The following FAT2 variants were observed in gnomAD, a reference collection of about 807,000 sequenced individuals.
FAT2 encodes the protein protocadherin Fat 2.
A neutral mutation model predicts 295.3 loss-of-function variants in FAT2; 150 were observed. That is an observed-to-expected ratio of 0.51 (90% CI 0.44 to 0.58). The LOEUF (loss-of-function observed/expected upper bound fraction) is 0.58. Among genes scored for constraint, FAT2 ranks in the 20% least tolerant of loss-of-function variants. The pLI is 0.00. For missense variants in FAT2, 4,868 were observed against 5,442.7 expected (o/e 0.89, Z 3.32); for synonymous variants, 2,026 against 2,150.3 (o/e 0.94, Z 1.60).
At chr5:151,552,254 G>A (rs1231604085) in intron 6 of FAT2, among the ~76,000 whole-genome samples, 1 of 152,192 alleles carries the variant, frequency 6.6e-6, no homozygotes, top group African/African-American at 2.4e-5. Context: ...TCAAGCAGCT[G>A]GGATTACAGG....
intron 3 of FAT2, among the ~76,000 whole-genome samples, chr5:151,562,577 G>A (rs112748918): frequency 0.035 from 5,355 of 152,210 alleles, 201 homozygotes; most frequent in African/African-American, 0.098. Flanking sequence ...TGTTGGCTCC[G>A]GGCCACTGTG....
chr5:151,505,844 AG>A lies in FAT2; in HGVS notation c.12770del (p.Pro4257LeufsTer139), dbSNP rs2127562554. The stretch of plus-strand genomic sequence containing the variant: ...GGGCAACCAGGCGCTCCCGGGGACT[AG>A]GGGGCCGAGAGGGCATCAGATCTTC... ...NLEDLMPSRP[P>X]SPRERLVAPC... On this transcript the variant is annotated frameshift_variant, in exon 24 of 24. Transcript: ENST00000261800. LOFTEE classifies it high-confidence loss of function. The A allele has an allele frequency of 6.2e-7, 1 of 1,612,498 alleles. No homozygotes were observed. Among genetic ancestry groups the A allele is most frequent in the Non-Finnish European group, 8.5e-7 (1 of 1,179,484 alleles).
rs1427466159 is a variant in FAT2 at position 151,507,228 on chromosome 5, A to C, written c.12443T>G (p.Leu4148Arg). The C allele has an allele frequency of 3.1e-6, 5 of 1,613,506 alleles. No individual in the cohort carries two copies. Among genetic ancestry groups the C allele is most frequent in the Non-Finnish European group, 4.2e-6 (5 of 1,179,648 alleles). The change falls in exon 23 of 24, where the codon CTC (leucine) becomes CGC (arginine). Residue 4148 changes from leucine (L) to arginine (R), a missense_variant. Physicochemically the swap from Leu to Arg is moderately radical, Grantham distance 102 (BLOSUM62 -2). Coordinates refer to ENST00000261800, the MANE Select transcript of FAT2 (RefSeq NM_001447.3). ...GTGGGAAGGGACCGCAGCTGGCGGG[A>C]GTCTGGGGGGCACACTGCAGACCAC... ...RPVVCSVPPR[L>R]PPAAVPSHSD...
intron 2 of FAT2, 67 bp from the exon 3 acceptor site, chr5:151,563,706 ACC>A: frequency 7.2e-7 from 1 of 1,380,608 alleles, no homozygotes; most frequent in South Asian, 1.2e-5. Context: ...AATCACCCTT[ACC>A]CACCATTCCC....
intron 22 of FAT2, among the ~76,000 whole-genome samples, chr5:151,508,001 A>C (rs1157906122): frequency 1.3e-5 from 2 of 152,194 alleles, no homozygotes; most frequent in African/African-American, 4.8e-5. Flanking sequence ...GCAGCCAGGC[A>C]CCAATGTTCC....
chr5:151,562,309 T>C (rs1442861715), intron 3 of FAT2, among the ~76,000 whole-genome samples: 2 of 152,182 alleles, frequency 1.3e-5, no homozygotes, highest in African/African-American at 4.8e-5. Flanking sequence ...AGTAAATTGT[T>C]GGAGACGGAA....
chr5:151,537,325 A>G (rs3893430), intron 12 of FAT2, among the ~76,000 whole-genome samples: 604 of 33,726 alleles, frequency 0.018, 6 homozygotes, highest in Admixed American at 0.023. Flanking sequence ...GAAAGAGAAA[A>G]AAAGAAAGAA....
chr5:151,518,227 C>G (rs1206271948), intron 19 of FAT2, among the ~76,000 whole-genome samples: 1 of 151,848 alleles, frequency 6.6e-6, no homozygotes, highest in East Asian at 1.9e-4. Context: ...ACTCCAGTTA[C>G]TTGGAATTAC....
chr5:151,520,845 C>T (rs1753374107), intron 19 of FAT2, among the ~76,000 whole-genome samples: 1 of 152,148 alleles, frequency 6.6e-6, no homozygotes, highest in African/African-American at 2.4e-5. Flanking sequence ...CATGTATTGA[C>T]CACTTTCTAT....
Position 151,507,602 on chromosome 5 carries a change from C to T in FAT2, c.12069G>A (p.Met4023Ile). 1.3e-6 allele frequency: 2 copies of T among 1,583,766 alleles called. No individual in the cohort carries two copies. The highest frequency in any genetic ancestry group is 1.7e-6 in the Non-Finnish European group (2 of 1,171,176). The change falls in exon 23 of 24, where the codon ATG becomes ATA. Residue 4023 changes from methionine to isoleucine, a missense_variant. By Grantham distance (10) the Met-to-Ile change is conservative (BLOSUM62 1). Around this residue, in one of 5 missense-constraint regions of FAT2, gnomAD observed 492 missense variants for 482.6 expected, o/e 1.02. Transcript: ENST00000261800. ...PHPYTGDRCE[M>I]EARGCSEGHC... ...GTCCTTCTGAACAACCCCTCGCCTC[C>T]ATTTCACACCTGCGGAGACAGAGTA... is the stretch of plus-strand genomic sequence containing the variant.
intron 9 of FAT2, among the ~76,000 whole-genome samples, chr5:151,546,643 C>T (rs1272775901): frequency 6.6e-6 from 1 of 152,140 alleles, no homozygotes; most frequent in Admixed American, 6.5e-5. Flanking sequence ...AAACACACTC[C>T]ACCCTGAATT....
chr5:151,581,015 G>C (rs971024374), intron 1 of FAT2, among the ~76,000 whole-genome samples: 1 of 152,044 alleles, frequency 6.6e-6, no homozygotes, highest in Non-Finnish European at 1.5e-5. Flanking sequence ...TCAGTCTCAC[G>C]TGGCCACTCC....
At chr5:151,528,628 A>G (rs1754272103) in intron 15 of FAT2, among the ~76,000 whole-genome samples, 1 of 152,098 alleles carries the variant, frequency 6.6e-6, no homozygotes, top group Non-Finnish European at 1.5e-5. Context: ...GGGGAAAGGT[A>G]GATATTCCTG....
intron 1 of FAT2, among the ~76,000 whole-genome samples, chr5:151,587,337 GA>G (rs1759218365): frequency 6.6e-6 from 1 of 151,880 alleles, no homozygotes; most frequent in African/African-American, 2.4e-5. Flanking sequence ...ATACAAAAAA[GA>G]GGTAGGCTGG....
chr5:151,527,353 G>A lies in FAT2; in HGVS notation c.10189C>T (p.Arg3397Ter), dbSNP rs764479760. 4.3e-6 allele frequency: 7 copies of A among 1,610,414 alleles called. No homozygotes were observed. Among genetic ancestry groups the A allele is most frequent in the Admixed American group, 1.7e-5 (1 of 59,652 alleles). Residue 3397 changes from arginine to a stop codon, truncating the protein, a stop_gained, in exon 17 of 24, where the codon CGA (arginine) becomes TGA (stop). Transcript: ENST00000261800. LOFTEE classifies it high-confidence loss of function. ...EQASSYSLKL[R>*]ATDSGQPPLH... Reference sequence around the variant, plus strand: ...GGAGGCTGCCCACTGTCTGTGGCTCGGAGCTTCAGGGAATAACTAGAGGCC... The same window carrying A: ...GGAGGCTGCCCACTGTCTGTGGCTCAGAGCTTCAGGGAATAACTAGAGGCC...
At chr5:151,535,206 C>T (rs910085116) in intron 12 of FAT2, among the ~76,000 whole-genome samples, 1 of 151,794 alleles carries the variant, frequency 6.6e-6, no homozygotes, top group African/African-American at 2.4e-5. Context: ...GGCTCCTGCC[C>T]GTAACTCCCA....
intron 15 of FAT2, 76 bp from the exon 16 acceptor site, chr5:151,528,209 G>A (rs866702513): frequency 1.4e-5 from 22 of 1,546,590 alleles, no homozygotes; most frequent in Middle Eastern, 3.6e-4. Flanking sequence ...AAACAGATAT[G>A]TCCCTGCCCC....
intron 23 of FAT2, 74 bp downstream of exon 23, chr5:151,507,080 C>A: frequency 7.5e-7 from 1 of 1,341,758 alleles, no homozygotes; most frequent in Admixed American, 2.3e-5. Flanking sequence ...GCCTGTGCCT[C>A]AGATAACGGA....
upstream of FAT2, among the ~76,000 whole-genome samples, chr5:151,592,216 A>C (rs144112358): frequency 1.3e-5 from 2 of 152,312 alleles, no homozygotes; most frequent in Non-Finnish European, 2.9e-5. Context: ...GAAAGGGAGA[A>C]GAGTTAGACA....
Sources: allele counts gnomAD v4.1 joint callset (sites outside exome capture counted in the v4.1 genomes callset), GRCh38; gene constraint gnomAD v4.1.1; regional missense constraint gnomAD v4.1.1; transcripts MANE v1.5; gene names NCBI Gene and HGNC (gene_info 2026-07-23, HGNC 2026-07-21).